COX10: variants seen among roughly 807,000 people sequenced by gnomAD.
COX10 encodes the protein protoheme IX farnesyltransferase, mitochondrial.
COX10 carries 27 observed loss-of-function variants against 37.3 expected under a neutral mutation model. The ratio of observed to expected loss-of-function variants is 0.72; its 90% CI spans 0.53 to 1.00. The LOEUF (loss-of-function observed/expected upper bound fraction) is 1.00, where lower values mean the gene tolerates loss of function less well. Among genes scored for constraint, COX10 ranks in the 50% least tolerant of loss-of-function variants. COX10 has a pLI of 0.00. For missense variants in COX10, 475 were observed against 563.2 expected (o/e 0.84, Z 1.59); for synonymous variants, 222 against 229.1 (o/e 0.97, Z 0.28).
At chr17:14,166,927 T>C (rs1597531947) in intron 5 of COX10, among the ~76,000 whole-genome samples, 1 of 151,932 alleles carries the variant, frequency 6.6e-6, no homozygotes, top group East Asian at 1.9e-4. Flanking sequence ...ATTGACTTTT[T>C]AGTTGTATTT....
At chr17:14,141,714 T>G (rs898432179) in intron 4 of COX10, among the ~76,000 whole-genome samples, 1 of 152,136 alleles carries the variant, frequency 6.6e-6, no homozygotes, top group South Asian at 2.1e-4. Context: ...TAACATTGTT[T>G]TATATAATTG....
chr17:14,109,498 A>G (rs1915968440), intron 4 of COX10, among the ~76,000 whole-genome samples: 1 of 152,226 alleles, frequency 6.6e-6, no homozygotes, highest in Non-Finnish European at 1.5e-5. Flanking sequence ...AATAATTTAC[A>G]TGCCACTGGT....
intron 4 of COX10, among the ~76,000 whole-genome samples, chr17:14,120,992 C>G (rs1294858178): frequency 6.6e-6 from 1 of 152,196 alleles, no homozygotes; most frequent in Non-Finnish European, 1.5e-5. Flanking sequence ...ATTTTCATCT[C>G]TTTGTCCTTT....
At position 14,069,512 on chromosome 17, in the gene COX10, C is replaced by A; in HGVS notation, c.-94C>A. 1 of 1,500,048 alleles carries A rather than the reference C, an allele frequency of 6.7e-7. No homozygotes were observed. Among genetic ancestry groups the A allele is most frequent in the Admixed American group, 1.8e-5 (1 of 57,082 alleles). 92.9% of individuals were successfully genotyped at this position (1,500,048 alleles called of 1,614,324 possible). A position where few individuals can be genotyped will look rare whatever the true frequency, so the allele number is the denominator to read the frequency against. On this transcript the variant is annotated 5_prime_UTR_variant, in exon 1 of 7. Transcript: ENST00000261643. ...GGAAGTGGCGGCCCGGAACTACTCC[C>A]ACAGGGGGGCGGGGAAGGAAGATGG...
intron 5 of COX10, among the ~76,000 whole-genome samples, chr17:14,165,287 A>C (rs1313764451): frequency 6.6e-6 from 1 of 152,194 alleles, no homozygotes; most frequent in African/African-American, 2.4e-5. Context: ...AACCTGCAGC[A>C]AACAAGTCTG....
At chr17:14,110,695 A>G (rs1372566569) in intron 4 of COX10, among the ~76,000 whole-genome samples, 2 of 151,832 alleles carry the variant, frequency 1.3e-5, no homozygotes, top group Non-Finnish European at 2.9e-5. Context: ...TTAGCCTCCT[A>G]GTTCTCTGCT....
chr17:14,098,846 C>G (rs1174451120), intron 3 of COX10, among the ~76,000 whole-genome samples: 2 of 152,044 alleles, frequency 1.3e-5, no homozygotes, highest in African/African-American at 4.8e-5. Context: ...GATTGCTGCC[C>G]TCTGCTCCAT....
intron 5 of COX10, among the ~76,000 whole-genome samples, chr17:14,191,480 CT>C (rs1222832470): frequency 6.6e-6 from 1 of 152,058 alleles, no homozygotes; most frequent in Non-Finnish European, 1.5e-5. Flanking sequence ...TAAGTGATGT[CT>C]TAATAAAGTA....
chr17:14,096,972 A>G (rs1017110257), intron 3 of COX10, among the ~76,000 whole-genome samples: 1 of 152,250 alleles, frequency 6.6e-6, no homozygotes, highest in South Asian at 2.1e-4. Flanking sequence ...CCTGCAGTGC[A>G]GTGCCTCTGG....
intron 4 of COX10, among the ~76,000 whole-genome samples, chr17:14,128,961 C>G (rs1344063634): frequency 6.6e-6 from 1 of 152,216 alleles, no homozygotes; most frequent in African/African-American, 2.4e-5. Flanking sequence ...ATTCTCATGC[C>G]TCAGCCCCCC....
intron 6 of COX10, among the ~76,000 whole-genome samples, chr17:14,192,979 T>G (rs1906256057): frequency 6.6e-6 from 1 of 152,158 alleles, no homozygotes; most frequent in South Asian, 2.1e-4. Flanking sequence ...CTGAAACTTT[T>G]CATAAAAGCT....
intron 6 of COX10, among the ~76,000 whole-genome samples, chr17:14,197,044 C>T (rs1056981104): frequency 1.3e-5 from 2 of 152,130 alleles, no homozygotes; most frequent in Non-Finnish European, 1.5e-5. Flanking sequence ...TTGCAAAAGC[C>T]CTTCCTGGGG....
chr17:14,127,556 G>A (rs578076792), intron 4 of COX10, among the ~76,000 whole-genome samples: 71 of 152,224 alleles, frequency 4.7e-4, no homozygotes, highest in African/African-American at 1.7e-3. Context: ...AAATTCAAGT[G>A]CAGTTAATGC....
At chr17:14,136,894 GTTAT>G (rs896784508) in intron 4 of COX10, among the ~76,000 whole-genome samples, 37 of 151,976 alleles carry the variant, frequency 2.4e-4, no homozygotes, top group Middle Eastern at 3.4e-3. Flanking sequence ...AATCTTTTTG[GTTAT>G]TTGTCAGTTT....
chr17:14,071,067 T>C (rs1915011696), intron 1 of COX10, among the ~76,000 whole-genome samples: 1 of 152,232 alleles, frequency 6.6e-6, no homozygotes, highest in South Asian at 2.1e-4. Context: ...AATCACTTCT[T>C]TGTTACATTC....
In COX10 at chr17:14,163,204, A is replaced by G. The variant is rs193133748; in HGVS notation, c.695+3257A>G. Among the ~76,000 whole-genome samples, 123 of 152,170 alleles carry G rather than the reference A, an allele frequency of 8.1e-4. 1 individual carries two copies. Among genetic ancestry groups the G allele is most frequent in the African/African-American group, 2.9e-3 (121 of 41,530 alleles). On this transcript the variant is annotated intron_variant, in intron 5 of 6. Coordinates refer to ENST00000261643, the MANE Select transcript of COX10 (RefSeq NM_001303.4). ...TGTGGAATGGATTTCCTTTTACCCA[A>G]AATAACATAGAAGCATGGCATAAGA...
At chr17:14,129,382 C>A (rs1231893030) in intron 4 of COX10, among the ~76,000 whole-genome samples, 1 of 152,004 alleles carries the variant, frequency 6.6e-6, no homozygotes, top group Non-Finnish European at 1.5e-5. Context: ...GCTCATGAGT[C>A]CCTTGCCACT....
intron 4 of COX10, among the ~76,000 whole-genome samples, chr17:14,122,413 C>T (rs932660315): frequency 1.3e-5 from 2 of 152,158 alleles, no homozygotes; most frequent in Non-Finnish European, 2.9e-5. Context: ...TGTAATCTTA[C>T]CAGATCCTTG....
intron 3 of COX10, among the ~76,000 whole-genome samples, chr17:14,086,768 A>G (rs1400507795): frequency 2.0e-5 from 3 of 152,088 alleles, no homozygotes; most frequent in African/African-American, 4.8e-5. Context: ...CCTAATTGGT[A>G]TATCTTCCTC....
Sources: allele counts gnomAD v4.1 joint callset (sites outside exome capture counted in the v4.1 genomes callset), GRCh38; gene constraint gnomAD v4.1.1; transcripts MANE v1.5; gene names NCBI Gene and HGNC (gene_info 2026-07-23, HGNC 2026-07-21).